Variants in GALNT10 observed in about 807,000 individuals in gnomAD.
GALNT10 encodes the protein GalNAc transferase 10.
Under a neutral mutation model 75.0 loss-of-function variants are expected in GALNT10, and 41 were observed. The observed-to-expected ratio is 0.55, with a 90% CI of 0.43 to 0.71. The LOEUF (loss-of-function observed/expected upper bound fraction) is 0.71, where lower values mean the gene tolerates loss of function less well. GALNT10 is among the 30% of genes least tolerant of loss of function. GALNT10 has a pLI of 0.00. For missense variants in GALNT10, 727 were observed against 818.5 expected (o/e 0.89, Z 1.36); for synonymous variants, 302 against 313.0 (o/e 0.96, Z 0.37).
intron 1 of GALNT10, among the ~76,000 whole-genome samples, chr5:154,266,755 A>T (rs942274959): frequency 6.6e-6 from 1 of 152,074 alleles, no homozygotes; most frequent in Admixed American, 6.6e-5. Context: ...GGTGGTGCCT[A>T]CCTGTAGTCC....
At chr5:154,231,632 G>A (rs1225902644) in intron 1 of GALNT10, among the ~76,000 whole-genome samples, 4 of 152,156 alleles carry the variant, frequency 2.6e-5, no homozygotes, top group Non-Finnish European at 4.4e-5. Context: ...GGTATATCAA[G>A]TCATTTGGGG....
intron 1 of GALNT10, among the ~76,000 whole-genome samples, chr5:154,270,144 T>C (rs1025058559): frequency 5.3e-5 from 8 of 151,814 alleles, no homozygotes; most frequent in African/African-American, 1.9e-4. Context: ...GCATGTCAGC[T>C]ATCTGGCTTC....
intron 3 of GALNT10, among the ~76,000 whole-genome samples, chr5:154,318,790 T>C (rs1754634493): frequency 6.6e-6 from 1 of 152,238 alleles, no homozygotes; most frequent in Admixed American, 6.5e-5. Context: ...TTCTGCTCTT[T>C]TCACTATTTC....
intron 6 of GALNT10, among the ~76,000 whole-genome samples, chr5:154,383,125 A>C (rs749606364): frequency 1.3e-5 from 2 of 151,404 alleles, no homozygotes; most frequent in Non-Finnish European, 3.0e-5. Flanking sequence ...ATGCTTTCTG[A>C]AGGGCCCTCC....
At chr5:154,250,689 C>T (rs961296603) in intron 1 of GALNT10, among the ~76,000 whole-genome samples, 7 of 152,144 alleles carry the variant, frequency 4.6e-5, no homozygotes, top group Admixed American at 3.3e-4. Flanking sequence ...CCACCAGAGT[C>T]GCTCAATCTA....
At chr5:154,245,021 C>T (rs532304147) in intron 1 of GALNT10, among the ~76,000 whole-genome samples, 2 of 152,296 alleles carry the variant, frequency 1.3e-5, no homozygotes, top group African/African-American at 4.8e-5. Flanking sequence ...CATGGGGTGC[C>T]ACTGCAGGGA....
At chr5:154,227,260 A>C (rs751844863) in intron 1 of GALNT10, among the ~76,000 whole-genome samples, 1 of 152,364 alleles carries the variant, frequency 6.6e-6, no homozygotes, top group Non-Finnish European at 1.5e-5. Flanking sequence ...ACCATTTTAC[A>C]TTCCCAGCAG....
At chr5:154,349,835 G>A (rs981307235) in intron 4 of GALNT10, 6 of 152,190 alleles carry the variant, frequency 3.9e-5, no homozygotes, top group South Asian at 2.1e-4. Flanking sequence ...TCTGGTCACC[G>A]TGGTTATCAG....
rs1317986313 is a variant in GALNT10, at chr5:154,404,101, C to A, written c.1057-3C>A. On this transcript the variant is annotated splice_region_variant and splice_polypyrimidine_tract_variant and intron_variant, in intron 7 of 11. Coordinates refer to ENST00000297107, the MANE Select transcript of GALNT10 (RefSeq NM_198321.4). ...ATCCTCTCTCTTCCTTCTTGCCATGCAGGTGTGGATGTGTGGGGGCCGCAT... is the reference window on the plus strand; with the variant it reads ...ATCCTCTCTCTTCCTTCTTGCCATGAAGGTGTGGATGTGTGGGGGCCGCAT... 1 of 1,607,938 alleles carries A rather than the reference C, an allele frequency of 6.2e-7. No individual in the cohort carries two copies. Among genetic ancestry groups the A allele is most frequent in the South Asian group, 1.1e-5 (1 of 90,936 alleles).
chr5:154,418,705 GT>G lies in GALNT10; in HGVS notation c.*1734del, dbSNP rs1756565035. On this transcript the variant is annotated 3_prime_UTR_variant, in exon 12 of 12. Coordinates refer to ENST00000297107, the MANE Select transcript of GALNT10 (RefSeq NM_198321.4). ...ATCATCCACCAGTCAGACTGAATGT[GT>G]AGCTGGCGAGGAATTACTTCCACTT... The G allele has an allele frequency of 6.6e-6, 1 of 152,200 alleles. No homozygotes were observed. The highest frequency in any genetic ancestry group is 1.5e-5 in the Non-Finnish European group (1 of 68,050). 9.4% of individuals were successfully genotyped at this position (152,200 alleles called of 1,614,324 possible).
At chr5:154,343,586 A>G (rs1012447480) in intron 4 of GALNT10, among the ~76,000 whole-genome samples, 3 of 152,236 alleles carry the variant, frequency 2.0e-5, no homozygotes, top group Non-Finnish European at 4.4e-5. Flanking sequence ...TTCACTAGGC[A>G]TGGAATAAAT....
rs144657898 is a variant in GALNT10 at position 154,376,065 on chromosome 5, T to A, written c.569-212T>A. On this transcript the variant is annotated intron_variant, in intron 4 of 11. Transcript: ENST00000297107. The surrounding 1 kb of genome is among the most constrained non-coding windows in gnomAD (Gnocchi z 4.1). The stretch of plus-strand genomic sequence containing the variant: ...TCTCTCTGTTCCAGGTCGTGGCACC[T>A]TCACTGGACCTCTTTAAGCCTTAAT... Among the ~76,000 whole-genome samples the A allele has an allele frequency of 6.9e-3, 1,045 of 152,336 alleles. 18 individuals carry two copies. The highest frequency in any genetic ancestry group is 0.024 in the African/African-American group (1,006 of 41,582).
chr5:154,229,183 C>T (rs988644293), intron 1 of GALNT10, among the ~76,000 whole-genome samples: 1 of 152,136 alleles, frequency 6.6e-6, no homozygotes, highest in Non-Finnish European at 1.5e-5. Flanking sequence ...CTATATTGGT[C>T]GTCTGTACAT....
In GALNT10 at chr5:154,409,448, G is replaced by T. The variant is rs767739615; in HGVS notation, c.1165-93G>T. 1.1e-4 allele frequency: 95 copies of T among 829,062 alleles called. 1 individual carries two copies. The Admixed American group carries it at 1.6e-3, about 14-fold the overall frequency. The allele number at this position is 829,062 out of a possible 1,614,324, so 51.4% of individuals were successfully genotyped here. A position where few individuals can be genotyped will look rare whatever the true frequency, so the allele number is the denominator to read the frequency against. On this transcript the variant is annotated intron_variant, in intron 8 of 11. Transcript: ENST00000297107. This position sits in a 1 kb window ranked among gnomAD's most constrained non-coding sequence, Gnocchi z 4.5. ...TTTTGATGGAACATAAAATAAGAAG[G>T]GTTGACCTCGACCTGCCAGGACCCT...
intron 1 of GALNT10, among the ~76,000 whole-genome samples, chr5:154,227,434 T>C (rs1753080992): frequency 2.0e-5 from 3 of 152,262 alleles, no homozygotes; most frequent in Admixed American, 1.3e-4. Flanking sequence ...TTTGCATGCT[T>C]ATTTCCCTCT....
intron 1 of GALNT10, among the ~76,000 whole-genome samples, chr5:154,274,608 G>A (rs1334846189): frequency 2.0e-5 from 3 of 152,038 alleles, no homozygotes; most frequent in East Asian, 1.9e-4. Flanking sequence ...CTCTTCCTAC[G>A]TGTTCTTGGT....
At chr5:154,227,496 A>C (rs1029624141) in intron 1 of GALNT10, among the ~76,000 whole-genome samples, 5 of 152,088 alleles carry the variant, frequency 3.3e-5, no homozygotes, top group Non-Finnish European at 5.9e-5. Context: ...CATTTGAAAA[A>C]TTTGGTTGTT....
At chr5:154,254,492 C>A (rs1201126170) in intron 1 of GALNT10, among the ~76,000 whole-genome samples, 1 of 148,744 alleles carries the variant, frequency 6.7e-6, no homozygotes, top group Non-Finnish European at 1.5e-5. Flanking sequence ...AGAGGTGTTT[C>A]TTTTCTTTAT....
intron 1 of GALNT10, among the ~76,000 whole-genome samples, chr5:154,270,073 A>C (rs1410952262): frequency 6.6e-6 from 1 of 151,958 alleles, no homozygotes; most frequent in Non-Finnish European, 1.5e-5. Flanking sequence ...AATGGAGATG[A>C]AGGGGGTCTC....
Sources: gnomAD v4.1 joint callset for allele counts (sites outside exome capture counted in the v4.1 genomes callset) on GRCh38, gnomAD v4.1.1 for gene constraint, Gnocchi (gnomAD v3.1) non-coding constraint, MANE v1.5 for transcripts, NCBI Gene and HGNC (gene_info 2026-07-23, HGNC 2026-07-21) for gene names.